Variants in FGF12 observed in about 807,000 individuals in gnomAD.
FGF12 encodes the protein fibroblast growth factor 12B.
Under a neutral mutation model 23.6 loss-of-function variants are expected in FGF12, and 14 were observed. That is an observed-to-expected ratio of 0.59 (90% confidence interval 0.39 to 0.93). The LOEUF (loss-of-function observed/expected upper bound fraction) is 0.93. Ranked by LOEUF, FGF12 falls within the 40% of genes least tolerant of loss-of-function variation. The pLI, the probability that FGF12 is intolerant of heterozygous loss-of-function variation, is 0.00. For missense variants in FGF12, 175 were observed against 217.8 expected (o/e 0.80, Z 1.24); for synonymous variants, 62 against 77.3 (o/e 0.80, Z 1.04).
At position 192,141,936 on chromosome 3, in the gene FGF12, T is replaced by C. The variant is rs77501713; in HGVS notation, c.*2073A>G. 6,241 of 152,264 alleles carry C rather than the reference T, an allele frequency of 0.041. 205 individuals carry two copies. Among genetic ancestry groups the C allele is most frequent in the South Asian group, 0.061 (295 of 4,824 alleles). 9.4% of individuals were successfully genotyped at this position (152,264 alleles called of 1,614,324 possible). A position where few individuals can be genotyped will look rare whatever the true frequency, so the allele number is the denominator to read the frequency against. ...TGTGCTTGGGATTTTTTTCTTTTTT[T>C]TTTTGGTTCTGGTAGTGACAGGTGT... On this transcript the variant is annotated 3_prime_UTR_variant, in exon 6 of 6. Transcript: ENST00000445105.
At chr3:192,215,609 G>T (rs1258136932) in intron 4 of FGF12, among the ~76,000 whole-genome samples, 1 of 152,096 alleles carries the variant, frequency 6.6e-6, no homozygotes, top group African/African-American at 2.4e-5. Flanking sequence ...CACTCCTGCC[G>T]ACTCTGTACC....
At chr3:192,571,528 C>T (rs1472690306) in intron 2 of FGF12, among the ~76,000 whole-genome samples, 8 of 152,204 alleles carry the variant, frequency 5.3e-5, no homozygotes, top group African/African-American at 1.9e-4. Context: ...TGCCCGGGTC[C>T]AGACTTTCCA....
chr3:192,484,709 G>C (rs1298133067), intron 2 of FGF12, among the ~76,000 whole-genome samples: 1 of 152,088 alleles, frequency 6.6e-6, no homozygotes, highest in Non-Finnish European at 1.5e-5. Context: ...AGGCTGAATC[G>C]ACAGGCCCAC....
intron 3 of FGF12, among the ~76,000 whole-genome samples, chr3:192,350,688 C>G (rs1327884625): frequency 6.6e-6 from 1 of 151,684 alleles, no homozygotes; most frequent in Non-Finnish European, 1.5e-5. Context: ...AGCAAGATGG[C>G]CAGTGGAAAG....
intron 3 of FGF12, among the ~76,000 whole-genome samples, chr3:192,345,318 A>G (rs144140360): frequency 9.2e-5 from 14 of 152,314 alleles, no homozygotes; most frequent in Middle Eastern, 3.4e-3. Flanking sequence ...CAAGGTTATA[A>G]AGTCAGCTAG....
chr3:192,435,516 A>G (rs1159309261), intron 2 of FGF12, among the ~76,000 whole-genome samples: 2 of 152,128 alleles, frequency 1.3e-5, no homozygotes, highest in African/African-American at 4.8e-5. Flanking sequence ...ATCCATTTTG[A>G]CCATGTGGTA....
At chr3:192,392,719 C>T (rs1415507234) in intron 2 of FGF12, among the ~76,000 whole-genome samples, 6 of 152,060 alleles carry the variant, frequency 3.9e-5, no homozygotes, top group Non-Finnish European at 7.4e-5. Flanking sequence ...TCTCCTCTAA[C>T]CCACGACCTT....
At chr3:192,275,380 CTA>C (rs1344416297) in intron 4 of FGF12, among the ~76,000 whole-genome samples, 132 of 152,184 alleles carry the variant, frequency 8.7e-4, no homozygotes, top group African/African-American at 3.0e-3. Flanking sequence ...TTTTTGTTTT[CTA>C]TATATGTTTT....
intron 2 of FGF12, among the ~76,000 whole-genome samples, chr3:192,380,621 G>T (rs78509963): frequency 6.6e-6 from 1 of 152,132 alleles, no homozygotes; most frequent in African/African-American, 2.4e-5. Flanking sequence ...TCTAATTTCT[G>T]ATAGCAAGAT....
At chr3:192,264,070 G>GA (rs1712925542) in intron 4 of FGF12, among the ~76,000 whole-genome samples, 1 of 151,886 alleles carries the variant, frequency 6.6e-6, no homozygotes, top group South Asian at 2.1e-4. Flanking sequence ...TTTCCCCTAG[G>GA]AAAAATCAAA....
At chr3:192,213,858 T>G (rs1010327276) in intron 4 of FGF12, among the ~76,000 whole-genome samples, 1 of 152,224 alleles carries the variant, frequency 6.6e-6, no homozygotes, top group African/African-American at 2.4e-5. Flanking sequence ...TTTATTCCAA[T>G]GCAGCTTTCA....
At position 192,484,002 on chromosome 3, in the gene FGF12, TA is replaced by T. The variant is rs1350461983; in HGVS notation, c.14-123465del. On this transcript the variant is annotated intron_variant, in intron 2 of 5. Coordinates refer to ENST00000445105, the MANE Select transcript of FGF12 (RefSeq NM_004113.6). Reference sequence around the variant, plus strand: ...GTTAATTATATGTGACTGATCAATATAAAAAAAATTGTAGGATATTAAAGGT... The same window carrying T: ...GTTAATTATATGTGACTGATCAATATAAAAAAATTGTAGGATATTAAAGGT... Among the ~76,000 whole-genome samples, 7 of 151,966 alleles carry T rather than the reference TA, an allele frequency of 4.6e-5. No homozygotes were observed. The East Asian group carries it at 1.4e-3, about 29-fold the overall frequency.
At chr3:192,326,202 T>G (rs991701938) in intron 4 of FGF12, among the ~76,000 whole-genome samples, 27 of 152,068 alleles carry the variant, frequency 1.8e-4, no homozygotes, top group Admixed American at 1.5e-3. Context: ...AAGAACAAAT[T>G]CTAACAAAAG....
At chr3:192,176,121 G>A (rs1011907594) in intron 4 of FGF12, among the ~76,000 whole-genome samples, 3 of 152,168 alleles carry the variant, frequency 2.0e-5, no homozygotes, top group Non-Finnish European at 2.9e-5. Context: ...ATAAAATGCT[G>A]TATCTTTTCA....
chr3:192,678,687 C>A (rs2108704324), intron 2 of FGF12, among the ~76,000 whole-genome samples: 1 of 152,256 alleles, frequency 6.6e-6, no homozygotes, highest in East Asian at 1.9e-4. Context: ...CACCATATTC[C>A]CTTGCATTTA....
rs183553245 is a variant in FGF12, at chr3:192,184,224, A to T, written c.229-13568T>A. Among the ~76,000 whole-genome samples, 30 of 152,308 alleles carry T rather than the reference A, an allele frequency of 2.0e-4. No homozygotes were observed. The East Asian group carries it at 5.8e-3, about 29-fold the overall frequency. ...GAGCAACAGAGACCCTGTCCCCCAA[A>T]AATAAAATAAAATAGGCTTTTACTT... On this transcript the variant is annotated intron_variant, in intron 4 of 5. Transcript: ENST00000445105.
Position 192,360,383 on chromosome 3 carries a change from T to C in FGF12, c.124+45A>G. ...TTTAAGTATAAGATACACTGGGCCC[T>C]ACATTTGATTTGTAATCAGATTGTA... is the stretch of plus-strand genomic sequence containing the variant. On this transcript the variant is annotated intron_variant, in intron 3 of 5. Transcript: ENST00000445105. This position sits in a 1 kb window ranked among gnomAD's most constrained non-coding sequence, Gnocchi z 4.3. The C allele has an allele frequency of 7.4e-7, 1 of 1,342,860 alleles. No homozygotes were observed. The highest frequency in any genetic ancestry group is 1.1e-6 in the Non-Finnish European group (1 of 933,336). 83.2% of individuals were successfully genotyped at this position (1,342,860 alleles called of 1,614,324 possible).
chr3:192,354,196 C>T (rs967592220), intron 3 of FGF12, among the ~76,000 whole-genome samples: 7 of 152,046 alleles, frequency 4.6e-5, no homozygotes, highest in African/African-American at 1.2e-4. Flanking sequence ...GAATTTAGTA[C>T]GTTCATAAAA....
chr3:192,384,061 A>T (rs907812684), intron 2 of FGF12, among the ~76,000 whole-genome samples: 1 of 152,226 alleles, frequency 6.6e-6, no homozygotes, highest in Non-Finnish European at 1.5e-5. Context: ...AAAAACAGGA[A>T]TTAACCAGCA....
Sources: gnomAD v4.1 joint callset for allele counts (sites outside exome capture counted in the v4.1 genomes callset) on GRCh38, gnomAD v4.1.1 for gene constraint, Gnocchi (gnomAD v3.1) non-coding constraint, MANE v1.5 for transcripts, NCBI Gene and HGNC (gene_info 2026-07-23, HGNC 2026-07-21) for gene names.